Variants in SEMA3F observed in about 807,000 individuals in gnomAD.
The protein encoded by SEMA3F is semaphorin 3F.
SEMA3F carries 30 observed loss-of-function variants against 98.5 expected under a neutral mutation model. The ratio of observed to expected loss-of-function variants is 0.30; its 90% CI spans 0.23 to 0.41. SEMA3F has a LOEUF of 0.41. Among genes scored for constraint, SEMA3F ranks in the 10% least tolerant of loss-of-function variants. The probability of loss-of-function intolerance (pLI) is 1.00; values close to 1 mark genes in which losing one functional copy is unlikely to be tolerated. For synonymous variants in SEMA3F, 380 were observed against 444.8 expected, an observed-to-expected ratio of 0.85 and a Z score of 1.83; for missense variants, 866 against 1,119.3, an observed-to-expected ratio of 0.77 and a Z score of 3.23.
chr3:50,174,445 C>T, intron 5 of SEMA3F, 95 bp downstream of exon 5: 4 of 1,444,766 alleles, frequency 2.8e-6, no homozygotes, highest in Admixed American at 2.3e-5. Context: ...AGCCCTGCCA[C>T]TTCCGAGCCT....
rs1256355810 is a variant in SEMA3F, at chr3:50,187,806, C to G, written c.2049C>G (p.Asn683Lys). Residue 683 changes from asparagine (N) to lysine (K), a missense_variant, in exon 19 of 19, where the codon AAC (asparagine) becomes AAG (lysine). By Grantham distance (94) the Asn-to-Lys change is moderately conservative (BLOSUM62 0). Coordinates refer to ENST00000002829, the MANE Select transcript of SEMA3F (RefSeq NM_004186.5). ...RGLYSCTATE[N>K]NFKHVVTRVQ... ...TCTACTCCTGCACAGCCACTGAGAA[C>G]AACTTTAAGCACGTCGTCACACGAG... is the stretch of plus-strand genomic sequence containing the variant. The G allele has an allele frequency of 1.2e-6, 2 of 1,613,522 alleles. No homozygotes were observed. Among genetic ancestry groups the G allele is most frequent in the South Asian group, 1.1e-5 (1 of 91,086 alleles).
At position 50,166,683 on chromosome 3, in the gene SEMA3F, C is replaced by T. The variant is rs946286149; in HGVS notation, c.112+6949C>T. ...GGTGTTGTGAAGGGGCTGCAGGGAC[C>T]GCAGGAATCCGAGGAAGGCCGCAGA... On this transcript the variant is annotated intron_variant, in intron 2 of 18. Transcript: ENST00000002829. The surrounding 1 kb of genome is among the most constrained non-coding windows in gnomAD (Gnocchi z 4.7). 6.6e-6 allele frequency among the ~76,000 whole-genome samples: 1 copy of T among 151,956 alleles called. No homozygotes were observed. The highest frequency in any genetic ancestry group is 1.5e-5 in the Non-Finnish European group (1 of 67,996).
In SEMA3F at chr3:50,168,767, G is replaced by A. The variant is rs184388749; in HGVS notation, c.113-5026G>A. On this transcript the variant is annotated intron_variant, in intron 2 of 18. Coordinates refer to ENST00000002829, the MANE Select transcript of SEMA3F (RefSeq NM_004186.5). Reference sequence around the variant, plus strand: ...GGATCCTGTGGGGGTATCCGGTAGGGACCACCTGGGCCCTGCCATGCCTCT... The same window carrying A: ...GGATCCTGTGGGGGTATCCGGTAGGAACCACCTGGGCCCTGCCATGCCTCT... 1.2e-4 allele frequency among the ~76,000 whole-genome samples: 19 copies of A among 152,164 alleles called. 1 individual carries two copies. The South Asian group carries it at 3.1e-3, about 25-fold the overall frequency.
intron 2 of SEMA3F, among the ~76,000 whole-genome samples, chr3:50,169,109 C>T (rs1159446823): frequency 6.6e-6 from 1 of 152,192 alleles, no homozygotes; most frequent in African/African-American, 2.4e-5. Context: ...TGCTCCAAGA[C>T]TCCTCTTTTT....
At chr3:50,168,770 C>A (rs542429241) in intron 2 of SEMA3F, among the ~76,000 whole-genome samples, 50 of 149,080 alleles carry the variant, frequency 3.4e-4, no homozygotes, top group Non-Finnish European at 6.8e-4. Context: ...CGGTAGGGAC[C>A]ACCTGGGCCC....
At chr3:50,183,279 A>G in intron 11 of SEMA3F, 24 bp downstream of exon 11, 1 of 1,610,734 alleles carries the variant, frequency 6.2e-7, no homozygotes, top group Non-Finnish European at 8.5e-7. Flanking sequence ...CAGGGCCAGC[A>G]GTGGCAGGGA....
rs541600261 is a variant in SEMA3F, at chr3:50,182,436, A to G, written c.763+33A>G. On this transcript the variant is annotated intron_variant, in intron 8 of 18. Transcript: ENST00000002829. This position sits in a 1 kb window ranked among gnomAD's most constrained non-coding sequence, Gnocchi z 4.5. Reference sequence around the variant, plus strand: ...CAGCCCCAGGAGCCCTTCCGTGGCCATGTGTCTGGGATGCGGCAAGGAGGT... The same window carrying G: ...CAGCCCCAGGAGCCCTTCCGTGGCCGTGTGTCTGGGATGCGGCAAGGAGGT... The G allele has an allele frequency of 6.6e-5, 106 of 1,611,888 alleles. No homozygotes were observed. The South Asian group carries it at 9.9e-4, about 15-fold the overall frequency.
At chr3:50,175,060 A>AT (rs1553692395) in intron 5 of SEMA3F, 36 bp from the exon 6 acceptor site, 1 of 1,135,034 alleles carries the variant, frequency 8.8e-7, no homozygotes, top group Non-Finnish European at 1.3e-6. Flanking sequence ...AGCCCCTGCC[A>AT]CCCCCAGCTC....
rs889480105 is a variant in SEMA3F at position 50,185,506 on chromosome 3, T to C, written c.1520T>C (p.Met507Thr). ...GATGACCAGGAGTTGGAGGAGCTCA[T>C]GCTGGAGGAGGTGGAGGTCTTCAAG... ...PKDDQELEEL[M>T]LEEVEVFKDP... Residue 507 changes from methionine to threonine, a missense_variant, in exon 14 of 19, where the codon ATG becomes ACG. Physicochemically the swap from Met to Thr is moderately conservative, Grantham distance 81. Transcript: ENST00000002829. The C allele has an allele frequency of 6.2e-7, 1 of 1,613,836 alleles. No homozygotes were observed. The highest frequency in any genetic ancestry group is 8.5e-7 in the Non-Finnish European group (1 of 1,179,824).
At position 50,176,629 on chromosome 3, in the gene SEMA3F, C is replaced by T. The variant is rs996953801; in HGVS notation, c.550-139C>T. 1.6e-5 allele frequency: 11 copies of T among 670,774 alleles called. No homozygotes were observed. The Admixed American group carries it at 2.1e-4, about 13-fold the overall frequency. 41.6% of individuals were successfully genotyped at this position (670,774 alleles called of 1,614,324 possible). A position where few individuals can be genotyped will look rare whatever the true frequency, so the allele number is the denominator to read the frequency against. On this transcript the variant is annotated intron_variant, in intron 6 of 18. Coordinates refer to ENST00000002829, the MANE Select transcript of SEMA3F (RefSeq NM_004186.5). The stretch of plus-strand genomic sequence containing the variant: ...AGACCTGGCTGGATGGAGTTTAAGG[C>T]CAAGGAATGCTGGGGAGTGTAGGGG...
At position 50,173,967 on chromosome 3, in the gene SEMA3F, C is replaced by T; in HGVS notation, c.273+14C>T. 6.2e-7 allele frequency: 1 copy of T among 1,614,014 alleles called. No individual in the cohort carries two copies. Among genetic ancestry groups the T allele is most frequent in the African/African-American group, 1.3e-5 (1 of 75,066 alleles). On this transcript the variant is annotated intron_variant, in intron 3 of 18. Transcript: ENST00000002829. ...GAGCCCCTCATTGTAAGGGCTGGCCCTGATGTGGGACGTGGGGTGGGCACG... is the reference window on the plus strand; with the variant it reads ...GAGCCCCTCATTGTAAGGGCTGGCCTTGATGTGGGACGTGGGGTGGGCACG...
Position 50,155,554 on chromosome 3 carries a change from C to G in SEMA3F, c.-59C>G, listed in dbSNP as rs1211475661. ...CCGCCCGGGCGCCCAGGCCCCGCCGCTGCGGAAGAGGTGAGTGCAGCGGGA... is the reference window on the plus strand; with the variant it reads ...CCGCCCGGGCGCCCAGGCCCCGCCGGTGCGGAAGAGGTGAGTGCAGCGGGA... On this transcript the variant is annotated 5_prime_UTR_variant, in exon 1 of 19. Coordinates refer to ENST00000002829, the MANE Select transcript of SEMA3F (RefSeq NM_004186.5). The surrounding 1 kb of genome is among the most constrained non-coding windows in gnomAD (Gnocchi z 4.9). The G allele has an allele frequency of 6.3e-6, 2 of 318,240 alleles. No homozygotes were observed. The highest frequency in any genetic ancestry group is 1.1e-5 in the Non-Finnish European group (2 of 174,390). 19.7% of individuals were successfully genotyped at this position (318,240 alleles called of 1,614,324 possible). A position where few individuals can be genotyped will look rare whatever the true frequency, so the allele number is the denominator to read the frequency against.
rs1486061341 is a variant in SEMA3F at position 50,174,287 on chromosome 3, T to C, written c.393T>C (p.Tyr131=). Residue 131 remains tyrosine, a synonymous_variant, in exon 5 of 19, where the codon TAT becomes TAC. Coordinates refer to ENST00000002829, the MANE Select transcript of SEMA3F (RefSeq NM_004186.5). ...AGCCCTGGAACCGAACACACCTGTATGTGTGCGGGACAGGTGCCTACAACC... is the reference window on the plus strand; with the variant it reads ...AGCCCTGGAACCGAACACACCTGTACGTGTGCGGGACAGGTGCCTACAACC... ...LIQPWNRTHL[Y]VCGTGAYNPM... 5.6e-6 allele frequency: 9 copies of C among 1,613,438 alleles called. No individual in the cohort carries two copies. Among genetic ancestry groups the C allele is most frequent in the African/African-American group, 1.3e-5 (1 of 74,942 alleles).
In SEMA3F at chr3:50,182,146, C is replaced by G. The variant is rs1242737219; in HGVS notation, c.644-138C>G. 35 of 1,044,638 alleles carry G rather than the reference C, an allele frequency of 3.4e-5. No homozygotes were observed. The highest frequency in any genetic ancestry group is 4.8e-5 in the Non-Finnish European group (34 of 702,212). 64.7% of individuals were successfully genotyped at this position (1,044,638 alleles called of 1,614,324 possible). A position where few individuals can be genotyped will look rare whatever the true frequency, so the allele number is the denominator to read the frequency against. ...CCCAGAGCCAGTGGTGAAACACTGA[C>G]CAGCACTCCACTGGAGATAGGATCA... On this transcript the variant is annotated intron_variant, in intron 7 of 18. Transcript: ENST00000002829. This position sits in a 1 kb window ranked among gnomAD's most constrained non-coding sequence, Gnocchi z 4.5.
chr3:50,176,747 G>T (rs1376157948), intron 6 of SEMA3F, 21 bp from the exon 7 acceptor site: 2 of 1,576,492 alleles, frequency 1.3e-6, no homozygotes, highest in East Asian at 4.5e-5. Context: ...GGACGATGCT[G>T]AGCCCCGCTC....
At chr3:50,176,701 G>T in intron 6 of SEMA3F, 67 bp from the exon 7 acceptor site, 1 of 1,163,458 alleles carries the variant, frequency 8.6e-7, no homozygotes. Context: ...CTGGGAGCCT[G>T]GTGACCCTTA....
At chr3:50,183,991 G>A (rs561591626) in intron 12 of SEMA3F, among the ~76,000 whole-genome samples, 1 of 152,264 alleles carries the variant, frequency 6.6e-6, no homozygotes, top group Admixed American at 6.5e-5. Context: ...CGGCTGATGT[G>A]GGAGCCTAAG....
rs1295502773 is a variant in SEMA3F at position 50,155,697 on chromosome 3, G to C, written c.-49+133G>C. 1 of 229,584 alleles carries C rather than the reference G, an allele frequency of 4.4e-6. No homozygotes were observed. The highest frequency in any genetic ancestry group is 8.4e-6 in the Non-Finnish European group (1 of 118,984). The allele number at this position is 229,584 out of a possible 1,614,324, so 14.2% of individuals were successfully genotyped here. ...CTCGTCGAGCCGGGGGGCTGCCCGC[G>C]GACATAGGGGCAACAAGGCTGGGGT... On this transcript the variant is annotated intron_variant, in intron 1 of 18. Coordinates refer to ENST00000002829, the MANE Select transcript of SEMA3F (RefSeq NM_004186.5). The surrounding 1 kb of genome is among the most constrained non-coding windows in gnomAD (Gnocchi z 4.9).
In SEMA3F at chr3:50,169,001, A is replaced by G. The variant is rs189420531; in HGVS notation, c.113-4792A>G. 1.2e-3 allele frequency among the ~76,000 whole-genome samples: 181 copies of G among 152,258 alleles called. 1 individual carries two copies. The highest frequency in any genetic ancestry group is 2.6e-3 in the African/African-American group (107 of 41,552). ...TGAGCTAGGCTGCAGGGATCTGTCTATCATCCCCAGTCCCCATCACTGCTG... is the reference window on the plus strand; with the variant it reads ...TGAGCTAGGCTGCAGGGATCTGTCTGTCATCCCCAGTCCCCATCACTGCTG... On this transcript the variant is annotated intron_variant, in intron 2 of 18. Coordinates refer to ENST00000002829, the MANE Select transcript of SEMA3F (RefSeq NM_004186.5).
Sources: gnomAD v4.1 joint callset for allele counts (sites outside exome capture counted in the v4.1 genomes callset) on GRCh38, gnomAD v4.1.1 for gene constraint, Gnocchi (gnomAD v3.1) non-coding constraint, MANE v1.5 for transcripts, NCBI Gene and HGNC (gene_info 2026-07-23, HGNC 2026-07-21) for gene names.